Variants in GLIS3 observed in about 807,000 individuals in gnomAD.
GLIS3 encodes the protein zinc finger protein GLIS3.
Under a neutral mutation model 78.6 loss-of-function variants are expected in GLIS3, and 53 were observed. The observed-to-expected ratio is 0.67, with a 90% confidence interval of 0.54 to 0.85. GLIS3 has a LOEUF of 0.85. Ranked by LOEUF, GLIS3 falls within the 40% of genes least tolerant of loss-of-function variation. The pLI is 0.00. For missense variants in GLIS3, 1,703 were observed against 1,231.1 expected, an observed-to-expected ratio of 1.38 and a Z score of -5.74; for synonymous variants, 684 against 509.9, an observed-to-expected ratio of 1.34 and a Z score of -4.60.
At chr9:4,187,924 C>G (rs1817961564) in intron 2 of GLIS3, among the ~76,000 whole-genome samples, 1 of 151,990 alleles carries the variant, frequency 6.6e-6, no homozygotes, top group Non-Finnish European at 1.5e-5. Context: ...TCTAGATATA[C>G]AATCATGTCA....
chr9:4,305,498 C>G (rs1047919720), intron 4 of GLIS3: 7 of 152,296 alleles, frequency 4.6e-5, no homozygotes, highest in Non-Finnish European at 1.0e-4. Context: ...GACCCCAGCC[C>G]CAGCTCCACT....
At chr9:3,892,987 T>C (rs1822563621) in intron 7 of GLIS3, among the ~76,000 whole-genome samples, 1 of 152,198 alleles carries the variant, frequency 6.6e-6, no homozygotes, top group African/African-American at 2.4e-5. Context: ...GGGTCACATG[T>C]ACAGGTTTGT....
At chr9:4,489,545 G>A in the GLIS3 span, among the ~76,000 whole-genome samples, 1 of 152,108 alleles carries the variant, frequency 6.6e-6, no homozygotes, top group Non-Finnish European at 1.5e-5. Context: ...GATTGTATAC[G>A]TGAGAGTGAA....
At chr9:4,419,009 A>G in the GLIS3 span, among the ~76,000 whole-genome samples, 1 of 152,232 alleles carries the variant, frequency 6.6e-6, no homozygotes, top group Non-Finnish European at 1.5e-5. Flanking sequence ...TTTTGGAAAT[A>G]TGACACAGGC....
At chr9:4,261,221 G>A (rs778563817) in intron 2 of GLIS3, among the ~76,000 whole-genome samples, 6 of 152,188 alleles carry the variant, frequency 3.9e-5, no homozygotes, top group Non-Finnish European at 8.8e-5. Context: ...ATATTGCAAA[G>A]CTCTGATGCT....
intron 2 of GLIS3, among the ~76,000 whole-genome samples, chr9:4,328,100 G>A (rs997270868): frequency 1.3e-5 from 2 of 152,150 alleles, no homozygotes; most frequent in African/African-American, 2.4e-5. Flanking sequence ...TTCTGGTCAC[G>A]TGGCCCACTG....
At chr9:3,924,916 A>C (rs544933725) in intron 6 of GLIS3, among the ~76,000 whole-genome samples, 2 of 152,306 alleles carry the variant, frequency 1.3e-5, no homozygotes, top group Non-Finnish European at 2.9e-5. Context: ...TCAGTCAGTC[A>C]ATCAGAAAAA....
At chr9:4,175,632 A>C (rs923994438) in intron 2 of GLIS3, among the ~76,000 whole-genome samples, 2 of 152,160 alleles carry the variant, frequency 1.3e-5, no homozygotes, top group Non-Finnish European at 2.9e-5. Context: ...CTGGGACTAA[A>C]CTTCTGATTC....
chr9:4,359,156 T>C, the GLIS3 span, among the ~76,000 whole-genome samples: 1 of 152,166 alleles, frequency 6.6e-6, no homozygotes. Context: ...ATTGCTGCAG[T>C]TGTTCCAGTA....
rs1820108528 is a variant in GLIS3 at position 3,990,157 on chromosome 9, G to C, written c.1711-52968C>G. ...AGATGACATGTGACAACCAAGGCCTGCTGTACAATGTGGAAAGAGCCGAGG... is the reference window on the plus strand; with the variant it reads ...AGATGACATGTGACAACCAAGGCCTCCTGTACAATGTGGAAAGAGCCGAGG... On this transcript the variant is annotated intron_variant, in intron 4 of 10. Coordinates refer to ENST00000381971, the MANE Select transcript of GLIS3 (RefSeq NM_001042413.2). Among the ~76,000 whole-genome samples the C allele has an allele frequency of 2.0e-5, 3 of 152,310 alleles. No individual in the cohort carries two copies. In the South Asian group the frequency reaches 6.2e-4, roughly 32 times the overall value.
At chr9:3,833,082 A>G (rs189977542) in intron 9 of GLIS3, among the ~76,000 whole-genome samples, 2 of 152,284 alleles carry the variant, frequency 1.3e-5, no homozygotes, top group East Asian at 3.9e-4. Context: ...ATCAAATCCA[A>G]CATTCTGGGC....
intron 2 of GLIS3, among the ~76,000 whole-genome samples, chr9:4,274,883 TC>T (rs1826844644): frequency 6.6e-6 from 1 of 152,212 alleles, no homozygotes; most frequent in African/African-American, 2.4e-5. Context: ...AAACTGCTGG[TC>T]CTCAAATTAT....
intron 4 of GLIS3, among the ~76,000 whole-genome samples, chr9:4,033,094 C>A (rs563818856): frequency 1.4e-4 from 21 of 152,142 alleles, no homozygotes; most frequent in Admixed American, 1.2e-3. Flanking sequence ...ACCTTGTGAT[C>A]CACCTGCCTC....
intron 4 of GLIS3, among the ~76,000 whole-genome samples, chr9:4,085,492 G>C (rs1156504294): frequency 6.7e-6 from 1 of 149,770 alleles, no homozygotes; most frequent in Non-Finnish European, 1.5e-5. Context: ...GTGATAGCCA[G>C]AATTAAAATC....
intron 4 of GLIS3, among the ~76,000 whole-genome samples, chr9:4,022,924 C>T (rs953905919): frequency 2.6e-5 from 4 of 152,098 alleles, no homozygotes; most frequent in Non-Finnish European, 5.9e-5. Context: ...TGAAAGAAGA[C>T]TGGATAAAAA....
the GLIS3 span, among the ~76,000 whole-genome samples, chr9:4,442,919 T>G: frequency 6.6e-6 from 1 of 152,108 alleles, no homozygotes; most frequent in Non-Finnish European, 1.5e-5. Flanking sequence ...AGTTTAGAGA[T>G]TCCCTAGGGT....
rs539007094 is a variant in GLIS3 at position 4,105,277 on chromosome 9, A to T, written c.1710+12491T>A. ...AATTTGAAATTATCCCCCATTGGAG[A>T]CACCTTCAATTAAGCCTATTCTAAT... is the stretch of plus-strand genomic sequence containing the variant. On this transcript the variant is annotated intron_variant, in intron 4 of 10. Coordinates refer to ENST00000381971, the MANE Select transcript of GLIS3 (RefSeq NM_001042413.2). Among the ~76,000 whole-genome samples, 7 of 152,298 alleles carry T rather than the reference A, an allele frequency of 4.6e-5. No individual in the cohort carries two copies. The East Asian group carries it at 1.4e-3, about 29-fold the overall frequency.
chr9:3,854,567 C>T (rs1285525886), intron 9 of GLIS3, among the ~76,000 whole-genome samples: 22 of 149,310 alleles, frequency 1.5e-4, no homozygotes, highest in South Asian at 4.2e-4. Flanking sequence ...GACAGAGTCT[C>T]GCTCTGTCAC....
intron 4 of GLIS3, among the ~76,000 whole-genome samples, chr9:3,951,754 G>A (rs1197367297): frequency 6.6e-6 from 1 of 150,480 alleles, no homozygotes; most frequent in East Asian, 2.0e-4. Context: ...GTTTAGAAAT[G>A]CAAATCAAAT....
Sources: allele counts gnomAD v4.1 joint callset (sites outside exome capture counted in the v4.1 genomes callset), GRCh38; gene constraint gnomAD v4.1.1; transcripts MANE v1.5; gene names NCBI Gene and HGNC (gene_info 2026-07-23, HGNC 2026-07-21).